The following GPC5 variants were observed in gnomAD, a reference collection of about 807,000 sequenced individuals.
GPC5 encodes the protein glypican 5.
GPC5 carries 47 observed loss-of-function variants against 53.9 expected under a neutral mutation model. The ratio of observed to expected loss-of-function variants is 0.87; its 90% CI spans 0.69 to 1.11. The LOEUF is 1.11. Among genes scored for constraint, GPC5 ranks in the 50% most tolerant of loss-of-function variants. The pLI, the probability that GPC5 is intolerant of heterozygous loss-of-function variation, is 0.00. For synonymous variants in GPC5, 286 were observed against 263.3 expected (o/e 1.09, Z -0.84); for missense variants, 748 against 713.1 (o/e 1.05, Z -0.56).
intron 7 of GPC5, among the ~76,000 whole-genome samples, chr13:92,747,003 T>C (rs937964938): frequency 2.0e-5 from 3 of 152,098 alleles, no homozygotes; most frequent in Non-Finnish European, 4.4e-5. Flanking sequence ...CTACATTACA[T>C]AGCGCAGGCA....
chr13:91,952,643 G>T (rs1205313721), intron 6 of GPC5, among the ~76,000 whole-genome samples: 1 of 152,066 alleles, frequency 6.6e-6, no homozygotes, highest in Non-Finnish European at 1.5e-5. Flanking sequence ...AGAAGTGTAG[G>T]AATAGGTTTT....
chr13:92,311,891 A>C (rs2139210966), intron 7 of GPC5, among the ~76,000 whole-genome samples: 1 of 152,296 alleles, frequency 6.6e-6, no homozygotes, highest in African/African-American at 2.4e-5. Flanking sequence ...AAATGGCGTA[A>C]GGTGAGCAAA....
In GPC5 at chr13:91,613,616, T is replaced by C. The variant is rs1367109413; in HGVS notation, c.326-79571T>C. ...CTGGAAAATTGAAGATTTTTGGAAA[T>C]ATTTTATTACAAAATTTCACAGAAA... On this transcript the variant is annotated intron_variant, in intron 2 of 7. Coordinates refer to ENST00000377067, the MANE Select transcript of GPC5 (RefSeq NM_004466.6). Among the ~76,000 whole-genome samples the C allele has an allele frequency of 3.9e-5, 6 of 152,298 alleles. No individual in the cohort carries two copies. In the East Asian group the frequency reaches 9.6e-4, roughly 24 times the overall value.
At chr13:92,159,063 G>A (rs1354931954) in intron 7 of GPC5, among the ~76,000 whole-genome samples, 1 of 152,154 alleles carries the variant, frequency 6.6e-6, no homozygotes, top group Non-Finnish European at 1.5e-5. Flanking sequence ...TATAGCTACT[G>A]TGCTGGTGAT....
At chr13:91,454,214 C>G (rs1009181276) in intron 2 of GPC5, among the ~76,000 whole-genome samples, 1 of 151,992 alleles carries the variant, frequency 6.6e-6, no homozygotes, top group African/African-American at 2.4e-5. Context: ...TTTTCCTGTT[C>G]TAGATAAAAG....
At chr13:91,711,881 A>C (rs562561244) in intron 3 of GPC5, among the ~76,000 whole-genome samples, 1 of 152,292 alleles carries the variant, frequency 6.6e-6, no homozygotes, top group South Asian at 2.1e-4. Context: ...GGTAGCTTCA[A>C]GTTTATGGCT....
At chr13:91,686,122 A>T (rs1258215596) in intron 2 of GPC5, among the ~76,000 whole-genome samples, 1 of 152,102 alleles carries the variant, frequency 6.6e-6, no homozygotes, top group African/African-American at 2.4e-5. Flanking sequence ...ACAATAATTC[A>T]TGAAACAATC....
intron 2 of GPC5, among the ~76,000 whole-genome samples, chr13:91,630,335 T>C (rs1318171500): frequency 6.6e-6 from 1 of 152,110 alleles, no homozygotes. Context: ...ATTAGCTTCT[T>C]TGTTGTTTGT....
chr13:91,778,738 C>T (rs2037750545), intron 5 of GPC5, among the ~76,000 whole-genome samples: 1 of 152,160 alleles, frequency 6.6e-6, no homozygotes. Context: ...TCTCAATCAT[C>T]ACGTAACTAA....
At chr13:92,400,661 C>T (rs372077435) in intron 7 of GPC5, among the ~76,000 whole-genome samples, 13 of 152,176 alleles carry the variant, frequency 8.5e-5, no homozygotes, top group South Asian at 2.1e-4. Context: ...TTGAAATTCA[C>T]GAAGCACTCA....
chr13:92,681,165 G>C (rs538540079), intron 7 of GPC5, among the ~76,000 whole-genome samples: 1 of 151,730 alleles, frequency 6.6e-6, no homozygotes, highest in East Asian at 1.9e-4. Flanking sequence ...CCTTCAGTAA[G>C]CGATTTACCT....
intron 1 of GPC5, among the ~76,000 whole-genome samples, chr13:91,410,805 A>G (rs1877708016): frequency 6.6e-6 from 1 of 152,138 alleles, no homozygotes; most frequent in African/African-American, 2.4e-5. Flanking sequence ...GTAAAATCAA[A>G]TTTGTTTATT....
rs561336854 is a variant in GPC5 at position 91,400,763 on chromosome 13, T to C, written c.163+1554T>C. 2.0e-5 allele frequency among the ~76,000 whole-genome samples: 3 copies of C among 152,348 alleles called. No homozygotes were observed. In the East Asian group the frequency reaches 5.8e-4, roughly 29 times the overall value. On this transcript the variant is annotated intron_variant, in intron 1 of 7. Transcript: ENST00000377067. ...CACTCTGGTATCTCAGTATTTCTGGTATCTGCTGAATGCAACACATTGATT... is the reference window on the plus strand; with the variant it reads ...CACTCTGGTATCTCAGTATTTCTGGCATCTGCTGAATGCAACACATTGATT...
intron 3 of GPC5, among the ~76,000 whole-genome samples, chr13:91,704,840 C>T (rs888771068): frequency 5.3e-5 from 8 of 152,232 alleles, no homozygotes; most frequent in African/African-American, 1.9e-4. Flanking sequence ...AAATCTCTTT[C>T]CACACCTGTG....
At chr13:92,154,948 A>C (rs2041933036) in intron 7 of GPC5, among the ~76,000 whole-genome samples, 1 of 152,214 alleles carries the variant, frequency 6.6e-6, no homozygotes, top group African/African-American at 2.4e-5. Flanking sequence ...ATGATTACTA[A>C]AATTAGCTAA....
chr13:91,543,131 C>T (rs1266201475), intron 2 of GPC5, among the ~76,000 whole-genome samples: 1 of 152,000 alleles, frequency 6.6e-6, no homozygotes, highest in African/African-American at 2.4e-5. Context: ...GCTGGGATTA[C>T]AGGCGTGAGC....
rs530495934 is a variant in GPC5 at position 92,099,946 on chromosome 13, C to T, written c.1402-44884C>T. On this transcript the variant is annotated intron_variant, in intron 6 of 7. Transcript: ENST00000377067. ...GTGAAATCCTTAAAGCTGAGGTCCT[C>T]CTTGAGCCAAAAGATCCTCGTGCTG... Among the ~76,000 whole-genome samples the T allele has an allele frequency of 4.8e-4, 73 of 152,236 alleles. 1 individual carries two copies. The South Asian group carries it at 0.015, about 31-fold the overall frequency.
intron 3 of GPC5, among the ~76,000 whole-genome samples, chr13:91,708,143 C>A (rs912349388): frequency 4.9e-4 from 75 of 152,108 alleles, no homozygotes; most frequent in African/African-American, 1.8e-3. Context: ...GAGGGAAAAG[C>A]GTTTATAAGG....
At chr13:92,600,542 G>A (rs927108784) in intron 7 of GPC5, among the ~76,000 whole-genome samples, 1 of 151,718 alleles carries the variant, frequency 6.6e-6, no homozygotes, top group African/African-American at 2.4e-5. Flanking sequence ...TTGTCACCCA[G>A]GCTAGAGTGC....
Sources: gnomAD v4.1 joint callset for allele counts (sites outside exome capture counted in the v4.1 genomes callset) on GRCh38, gnomAD v4.1.1 for gene constraint, MANE v1.5 for transcripts, NCBI Gene and HGNC (gene_info 2026-07-23, HGNC 2026-07-21) for gene names.